CHD3: variants seen among roughly 807,000 people sequenced by gnomAD.
CHD3 encodes chromodomain helicase DNA binding protein 3.
A neutral mutation model predicts 248.9 loss-of-function variants in CHD3; 52 were observed. That is an observed-to-expected ratio of 0.21 (90% CI 0.17 to 0.26). CHD3 has a LOEUF of 0.26. Among genes scored for constraint, CHD3 ranks in the 10% least tolerant of loss-of-function variants. The pLI, the probability that CHD3 is intolerant of heterozygous loss-of-function variation, is 1.00. For missense variants in CHD3, 1,482 were observed against 2,605.8 expected (o/e 0.57, Z 9.39); for synonymous variants, 985 against 985.2 (o/e 1.00, Z 0.00).
At position 7,897,409 on chromosome 17, in the gene CHD3, C is replaced by T. The variant is rs1471326032; in HGVS notation, c.1919+115C>T. 13 of 920,474 alleles carry T rather than the reference C, an allele frequency of 1.4e-5. No individual in the cohort carries two copies. The highest frequency in any genetic ancestry group is 2.0e-5 in the Non-Finnish European group (12 of 600,198). The allele number at this position is 920,474 out of a possible 1,614,324, so 57.0% of individuals were successfully genotyped here. On this transcript the variant is annotated intron_variant, in intron 11 of 39. Coordinates refer to ENST00000330494, the MANE Select transcript of CHD3 (RefSeq NM_001005273.3). The surrounding 1 kb of genome is among the most constrained non-coding windows in gnomAD (Gnocchi z 4.8). ...CAGGTAATTGATCTAACCTTGATAA[C>T]CTCTGCTGTAGCTCCAGCCTTTCTG...
In CHD3 at chr17:7,889,804, G is replaced by C; in HGVS notation, c.213+28G>C. 6.3e-7 allele frequency: 1 copy of C among 1,580,148 alleles called. No homozygotes were observed. The highest frequency in any genetic ancestry group is 8.6e-7 in the Non-Finnish European group (1 of 1,157,160). On this transcript the variant is annotated intron_variant, in intron 2 of 39. Coordinates refer to ENST00000330494, the MANE Select transcript of CHD3 (RefSeq NM_001005273.3). The surrounding 1 kb of genome is among the most constrained non-coding windows in gnomAD (Gnocchi z 4.5). ...AAGTGTCAAGAATTCCTAACTCTGT[G>C]GCAAGGCTCAAGAGACCCATTCTCA...
rs943422643 is a variant in CHD3, at chr17:7,911,889, A to G, written c.*304A>G. The G allele has an allele frequency of 3.6e-6, 2 of 554,960 alleles. No homozygotes were observed. Among genetic ancestry groups the G allele is most frequent in the South Asian group, 3.7e-5 (2 of 54,450 alleles). The allele number at this position is 554,960 out of a possible 1,614,324, so 34.4% of individuals were successfully genotyped here. A position where few individuals can be genotyped will look rare whatever the true frequency, so the allele number is the denominator to read the frequency against. ...CACTGCCAAGTATACACAACTTCCC[A>G]GTAAATGGTTGTGGGGAGGAAAGAG... On this transcript the variant is annotated 3_prime_UTR_variant, in exon 40 of 40. Transcript: ENST00000330494. This position sits in a 1 kb window ranked among gnomAD's most constrained non-coding sequence, Gnocchi z 5.4.
Position 7,903,803 on chromosome 17 carries a change from C to T in CHD3, c.3728-22C>T, listed in dbSNP as rs768894119. ...TCTAAACTTTGGAACCCAAAGTTCC[C>T]GTTTGTTTTCCCTCTCACCAGGGGA... On this transcript the variant is annotated intron_variant, in intron 23 of 39. Coordinates refer to ENST00000330494, the MANE Select transcript of CHD3 (RefSeq NM_001005273.3). The surrounding 1 kb of genome is among the most constrained non-coding windows in gnomAD (Gnocchi z 6.8). 78 of 1,610,704 alleles carry T rather than the reference C, an allele frequency of 4.8e-5. No homozygotes were observed. Among genetic ancestry groups the T allele is most frequent in the Non-Finnish European group, 6.3e-5 (74 of 1,177,438 alleles).
At chr17:7,894,637 C>G (rs1468750903) in intron 8 of CHD3, 29 bp downstream of exon 8, 2 of 1,586,522 alleles carry the variant, frequency 1.3e-6, no homozygotes, top group Admixed American at 3.4e-5. Flanking sequence ...CATCTGATGG[C>G]CCTGAGGAAC....
Position 7,908,952 on chromosome 17 carries a change from C to T in CHD3, c.5394+123C>T. ...GCTGAGGTGATACCTGGGGCCAAGA[C>T]CAAAGTGTAACCTTGTGCTTGGGAG... On this transcript the variant is annotated intron_variant, in intron 36 of 39. Transcript: ENST00000330494. This position sits in a 1 kb window ranked among gnomAD's most constrained non-coding sequence, Gnocchi z 5.8. 5 of 1,446,654 alleles carry T rather than the reference C, an allele frequency of 3.5e-6. No individual in the cohort carries two copies. Among genetic ancestry groups the T allele is most frequent in the Non-Finnish European group, 4.8e-6 (5 of 1,049,146 alleles). 89.6% of individuals were successfully genotyped at this position (1,446,654 alleles called of 1,614,324 possible).
chr17:7,902,855 G>GT, intron 21 of CHD3, 82 bp from the exon 22 acceptor site: 1 of 1,588,092 alleles, frequency 6.3e-7, no homozygotes, highest in Non-Finnish European at 8.6e-7. Context: ...GGGCATGGTT[G>GT]TTTGTCATCA....
In CHD3 at chr17:7,893,796, C is replaced by T; in HGVS notation, c.794-9C>T. 1 of 1,613,360 alleles carries T rather than the reference C, an allele frequency of 6.2e-7. No homozygotes were observed. The highest frequency in any genetic ancestry group is 8.5e-7 in the Non-Finnish European group (1 of 1,179,858). Reference sequence around the variant, plus strand: ...CTTTTTCCTCTTCTCACCCCGACTCCTCATTCAGGTCCAGGCCATAAGAGG... The same window carrying T: ...CTTTTTCCTCTTCTCACCCCGACTCTTCATTCAGGTCCAGGCCATAAGAGG... On this transcript the variant is annotated splice_polypyrimidine_tract_variant and intron_variant, in intron 5 of 39. Transcript: ENST00000330494.
At chr17:7,898,368 G>C (rs929981002) in intron 12 of CHD3, 128 bp from the exon 13 acceptor site, 3 of 790,296 alleles carry the variant, frequency 3.8e-6, no homozygotes, top group Non-Finnish European at 6.1e-6. Context: ...AGGGTAAAGA[G>C]CCTGGGAAAA....
intron 10 of CHD3, among the ~76,000 whole-genome samples, chr17:7,896,239 A>T (rs995125807): frequency 2.6e-5 from 4 of 151,010 alleles, no homozygotes; most frequent in East Asian, 1.9e-4. Flanking sequence ...AAAAAAAAAA[A>T]AAAAAAAAAA....
chr17:7,895,321 T>C lies in CHD3; in HGVS notation c.1504-18T>C. 6.2e-7 allele frequency: 1 copy of C among 1,613,794 alleles called. No individual in the cohort carries two copies. The highest frequency in any genetic ancestry group is 8.5e-7 in the Non-Finnish European group (1 of 1,179,768). ...CTGCCTCTTTCTTTCCTCCTCCTTGTACGTGTCCATCCCAAAGTGCCCCGT... is the reference window on the plus strand; with the variant it reads ...CTGCCTCTTTCTTTCCTCCTCCTTGCACGTGTCCATCCCAAAGTGCCCCGT... On this transcript the variant is annotated intron_variant, in intron 9 of 39. Transcript: ENST00000330494. The surrounding 1 kb of genome is among the most constrained non-coding windows in gnomAD (Gnocchi z 4.9).
In CHD3 at chr17:7,910,878, C is replaced by T. The variant is rs561278276; in HGVS notation, c.5786C>T (p.Pro1929Leu). 5.9e-5 allele frequency: 95 copies of T among 1,612,002 alleles called. No homozygotes were observed. In the East Asian group the frequency reaches 6.5e-4, roughly 11 times the overall value. Residue 1929 changes from proline (P) to leucine (L), a missense_variant, in exon 39 of 40, where the codon CCG (proline) becomes CTG (leucine). Coordinates refer to ENST00000330494, the MANE Select transcript of CHD3 (RefSeq NM_001005273.3). This position sits in a 1 kb window ranked among gnomAD's most constrained non-coding sequence, Gnocchi z 4.7. ...CCGCCGGGTCCCTACGCTACACCTCCGGGGTACGGGGCGGCCTTCAGCGCC... is the reference window on the plus strand; with the variant it reads ...CCGCCGGGTCCCTACGCTACACCTCTGGGGTACGGGGCGGCCTTCAGCGCC... Reference protein sequence around the residue: ...AYPPGPYATPPGYGAAFSAAP... With the variant: ...AYPPGPYATPLGYGAAFSAAP...
rs1308796275 is a variant in CHD3, at chr17:7,889,766, G to T, written c.203G>T (p.Arg68Leu). 6.2e-7 allele frequency: 1 copy of T among 1,610,926 alleles called. No individual in the cohort carries two copies. Reference protein sequence around the residue: ...KENKPGKPRKRKKRDSEEEFG... With the variant: ...KENKPGKPRKLKKRDSEEEFG... ...AACAAGCCAGGAAAACCCCGAAAAC[G>T]CAAGAAGCGTGTAAGTGTCAAGAAT... Residue 68 changes from arginine to leucine, a missense_variant, in exon 2 of 40, where the codon CGC becomes CTC. Arg to Leu is a moderately radical substitution (Grantham distance 102). This residue lies in a region of CHD3 where 169 missense variants were observed against 168.1 expected (regional missense o/e 1.01). Transcript: ENST00000330494. The surrounding 1 kb of genome is among the most constrained non-coding windows in gnomAD (Gnocchi z 4.5).
In CHD3 at chr17:7,907,765, G is replaced by T; in HGVS notation, c.5026+63G>T. 6.6e-7 allele frequency: 1 copy of T among 1,504,922 alleles called. No homozygotes were observed. The allele number at this position is 1,504,922 out of a possible 1,614,324, so 93.2% of individuals were successfully genotyped here. A position where few individuals can be genotyped will look rare whatever the true frequency, so the allele number is the denominator to read the frequency against. Reference sequence around the variant, plus strand: ...GGGCATCAGGGGAGGTGGAGTCTGGGGAACCGAATGCTTGGGTCCTGGGCG... The same window carrying T: ...GGGCATCAGGGGAGGTGGAGTCTGGTGAACCGAATGCTTGGGTCCTGGGCG... On this transcript the variant is annotated intron_variant, in intron 33 of 39. Transcript: ENST00000330494. This position sits in a 1 kb window ranked among gnomAD's most constrained non-coding sequence, Gnocchi z 4.3.
chr17:7,908,845 G>T lies in CHD3; in HGVS notation c.5394+16G>T. The T allele has an allele frequency of 6.2e-7, 1 of 1,614,142 alleles. No individual in the cohort carries two copies. Among genetic ancestry groups the T allele is most frequent in the Non-Finnish European group, 8.5e-7 (1 of 1,180,000 alleles). ...GAGGTTCAAGGTGGGAATGAGGGAG[G>T]AAAGGAGCGGGTTATAGACGGGCTT... On this transcript the variant is annotated intron_variant, in intron 36 of 39. Coordinates refer to ENST00000330494, the MANE Select transcript of CHD3 (RefSeq NM_001005273.3). This position sits in a 1 kb window ranked among gnomAD's most constrained non-coding sequence, Gnocchi z 5.8.
chr17:7,892,734 A>G (rs955519210), intron 4 of CHD3, among the ~76,000 whole-genome samples: 6 of 152,228 alleles, frequency 3.9e-5, no homozygotes, highest in African/African-American at 1.4e-4. Flanking sequence ...TGACCTCGTG[A>G]TCCTCCCACC....
rs112896522 is a variant in CHD3, at chr17:7,888,994, C to G, written c.-7C>G. 11 of 1,614,132 alleles carry G rather than the reference C, an allele frequency of 6.8e-6. No homozygotes were observed. The highest frequency in any genetic ancestry group is 9.3e-6 in the Non-Finnish European group (11 of 1,180,026). On this transcript the variant is annotated 5_prime_UTR_variant, in exon 1 of 40. Coordinates refer to ENST00000330494, the MANE Select transcript of CHD3 (RefSeq NM_001005273.3). ...TTTAGGTAATTGTGGAGACTTTCTC[C>G]TGTGTGATGAAGGCGGCAGACACTG... is the stretch of plus-strand genomic sequence containing the variant.
chr17:7,892,418 A>G (rs1275875304), intron 4 of CHD3, among the ~76,000 whole-genome samples: 7 of 152,200 alleles, frequency 4.6e-5, no homozygotes, highest in African/African-American at 1.7e-4. Context: ...AAAGTAGTAT[A>G]CAAAAGTAAA....
rs1302474166 is a variant in CHD3, at chr17:7,899,847, G to A, written c.2545-49G>A. Reference sequence around the variant, plus strand: ...AAGGTGTCTGGTTCTGGAGGTGTAGGTGCATGGTTGTCAGGTGGCAGCTGA... The same window carrying A: ...AAGGTGTCTGGTTCTGGAGGTGTAGATGCATGGTTGTCAGGTGGCAGCTGA... On this transcript the variant is annotated intron_variant, in intron 15 of 39. Coordinates refer to ENST00000330494, the MANE Select transcript of CHD3 (RefSeq NM_001005273.3). This position sits in a 1 kb window ranked among gnomAD's most constrained non-coding sequence, Gnocchi z 6.8. 2 of 1,599,694 alleles carry A rather than the reference G, an allele frequency of 1.3e-6. No homozygotes were observed. Among genetic ancestry groups the A allele is most frequent in the Admixed American group, 3.4e-5 (2 of 59,696 alleles).
In CHD3 at chr17:7,909,936, AT is replaced by A. The variant is rs1230192562; in HGVS notation, c.5591-490del. On this transcript the variant is annotated intron_variant, in intron 37 of 39. Transcript: ENST00000330494. This position sits in a 1 kb window ranked among gnomAD's most constrained non-coding sequence, Gnocchi z 8.1. ...CCTGGCCCCTTTGATCCCTGTTCTAATTCCTTGAATCTGTAATACTGACCTT... is the reference window on the plus strand; with the variant it reads ...CCTGGCCCCTTTGATCCCTGTTCTAATCCTTGAATCTGTAATACTGACCTT... 2.3e-5 allele frequency: 5 copies of A among 212,814 alleles called. No individual in the cohort carries two copies. Among genetic ancestry groups the A allele is most frequent in the Non-Finnish European group, 4.8e-5 (5 of 105,196 alleles). 13.2% of individuals were successfully genotyped at this position (212,814 alleles called of 1,614,324 possible). A position where few individuals can be genotyped will look rare whatever the true frequency, so the allele number is the denominator to read the frequency against.
Sources: allele counts gnomAD v4.1 joint callset (sites outside exome capture counted in the v4.1 genomes callset), GRCh38; gene constraint gnomAD v4.1.1; regional missense constraint gnomAD v4.1.1; non-coding constraint Gnocchi (gnomAD v3.1); transcripts MANE v1.5; gene names NCBI Gene and HGNC (gene_info 2026-07-23, HGNC 2026-07-21).